The following PRSS23 variants were observed in gnomAD, a reference collection of about 807,000 sequenced individuals.
PRSS23 encodes protease, serine 23.
A neutral mutation model predicts 34.7 loss-of-function variants in PRSS23; 25 were observed. The observed-to-expected ratio is 0.72, with a 90% CI of 0.53 to 1.01. PRSS23 has a LOEUF of 1.01. PRSS23 is among the 50% of genes least tolerant of loss of function. The pLI is 0.00. For synonymous variants in PRSS23, 176 were observed against 186.6 expected, an observed-to-expected ratio of 0.94 and a Z score of 0.46; for missense variants, 445 against 475.6, an observed-to-expected ratio of 0.94 and a Z score of 0.60.
intron 2 of PRSS23, among the ~76,000 whole-genome samples, chr11:86,834,935 C>T (rs947470962): frequency 2.0e-5 from 3 of 152,190 alleles, no homozygotes; most frequent in South Asian, 2.1e-4. Flanking sequence ...TTTCGAAGTC[C>T]TTTTCCTACA....
intron 2 of PRSS23, among the ~76,000 whole-genome samples, chr11:86,829,709 C>G (rs1392589022): frequency 4.4e-4 from 65 of 148,656 alleles, no homozygotes; most frequent in African/African-American, 1.4e-3. Context: ...TTCTAAGAGA[C>G]AGGACCCTCA....
intron 2 of PRSS23, among the ~76,000 whole-genome samples, chr11:86,923,315 T>C (rs1222531868): frequency 1.3e-5 from 2 of 152,072 alleles, no homozygotes. Flanking sequence ...TTTGTAGAGA[T>C]GGGGTCTTGC....
At chr11:86,922,302 T>C (rs1030886451) in intron 2 of PRSS23, among the ~76,000 whole-genome samples, 3 of 152,164 alleles carry the variant, frequency 2.0e-5, no homozygotes, top group Non-Finnish European at 4.4e-5. Flanking sequence ...GATGGACAAT[T>C]ACTTAACCAC....
At chr11:86,804,680 A>G (rs1948078926) in intron 1 of PRSS23, among the ~76,000 whole-genome samples, 1 of 152,206 alleles carries the variant, frequency 6.6e-6, no homozygotes, top group East Asian at 1.9e-4. Flanking sequence ...GTAATATTCT[A>G]TCATGCAGTA....
chr11:86,894,603 A>C (rs1210422873), intron 2 of PRSS23, among the ~76,000 whole-genome samples: 1 of 152,076 alleles, frequency 6.6e-6, no homozygotes, highest in African/African-American at 2.4e-5. Context: ...CTAGGGTGAC[A>C]CCTTCATGTC....
chr11:86,886,717 T>C (rs754200815), intron 2 of PRSS23, among the ~76,000 whole-genome samples: 3 of 152,154 alleles, frequency 2.0e-5, no homozygotes, highest in Non-Finnish European at 4.4e-5. Context: ...GGTGGGCAGA[T>C]CACTTGAGGT....
rs368703656 is a variant in PRSS23 at position 86,807,835 on chromosome 11, A to C, written c.192A>C (p.Ser64=). 6.2e-7 allele frequency: 1 copy of C among 1,614,148 alleles called. No homozygotes were observed. Among genetic ancestry groups the C allele is most frequent in the South Asian group, 1.1e-5 (1 of 91,082 alleles). ...AAGCCAAATTAGAAGTATCTTCTTC[A>C]TGTGGACCCCAGTGTCATAAGGGAA... The part of the protein sequence containing the change: ...GAEAKLEVSS[S]CGPQCHKGTP... The change falls in exon 2 of 2, where the codon TCA becomes TCC. Residue 64 remains serine, a synonymous_variant. Transcript: ENST00000280258.
At chr11:86,883,771 T>C (rs1260673168) in intron 2 of PRSS23, among the ~76,000 whole-genome samples, 18 of 152,228 alleles carry the variant, frequency 1.2e-4, no homozygotes. Flanking sequence ...TGGTATGTTG[T>C]GTTTTCATTT....
At chr11:86,929,189 C>T (rs906468337) in intron 2 of PRSS23, among the ~76,000 whole-genome samples, 4 of 152,062 alleles carry the variant, frequency 2.6e-5, no homozygotes, top group Middle Eastern at 3.4e-3. Context: ...GGCATGGTGG[C>T]GCAAGTTTGT....
At chr11:86,862,909 A>G (rs1412542397) in intron 2 of PRSS23, among the ~76,000 whole-genome samples, 2 of 151,926 alleles carry the variant, frequency 1.3e-5, no homozygotes, top group South Asian at 4.1e-4. Flanking sequence ...AATGTCACAG[A>G]AGGTGTACAC....
At position 86,810,437 on chromosome 11, in the gene PRSS23, T is replaced by C. The variant is rs906223399; in HGVS notation, c.*1642T>C. On this transcript the variant is annotated 3_prime_UTR_variant, in exon 2 of 2. Transcript: ENST00000280258. ...CAACCACAGTGCTTTCTTCAAATCA[T>C]ATGAGAAATACTATGCATAGCAAGG... 4.2e-5 allele frequency: 7 copies of C among 167,040 alleles called. No homozygotes were observed. The highest frequency in any genetic ancestry group is 1.7e-4 in the African/African-American group (7 of 41,444). 10.3% of individuals were successfully genotyped at this position (167,040 alleles called of 1,614,324 possible). A position where few individuals can be genotyped will look rare whatever the true frequency, so the allele number is the denominator to read the frequency against.
intron 2 of PRSS23, among the ~76,000 whole-genome samples, chr11:86,856,560 A>G (rs1157043640): frequency 1.3e-5 from 2 of 152,232 alleles, no homozygotes; most frequent in Non-Finnish European, 2.9e-5. Context: ...TTTGATGTAC[A>G]GTATGTCCTG....
intron 2 of PRSS23, among the ~76,000 whole-genome samples, chr11:86,839,122 A>G (rs372628793): frequency 2.6e-4 from 39 of 152,260 alleles, no homozygotes; most frequent in African/African-American, 8.2e-4. Flanking sequence ...CAGCAAGGGA[A>G]CAAAACTGGA....
intron 2 of PRSS23, among the ~76,000 whole-genome samples, chr11:86,890,591 T>C (rs1026652183): frequency 6.6e-6 from 1 of 152,178 alleles, no homozygotes; most frequent in Non-Finnish European, 1.5e-5. Flanking sequence ...ATTCCTTGTT[T>C]ATGAAGAACA....
intron 2 of PRSS23, among the ~76,000 whole-genome samples, chr11:86,853,604 C>T (rs1948547269): frequency 6.6e-6 from 1 of 152,110 alleles, no homozygotes; most frequent in Non-Finnish European, 1.5e-5. Flanking sequence ...TATGAATGAA[C>T]TGCAGTGTGC....
rs555283665 is a variant in PRSS23 at position 86,854,920 on chromosome 11, ACT to A, written c.206+31328_206+31329del. 4.6e-3 allele frequency among the ~76,000 whole-genome samples: 703 copies of A among 152,318 alleles called. 10 individuals carry two copies. Among genetic ancestry groups the A allele is most frequent in the African/African-American group, 0.016 (682 of 41,578 alleles). On this transcript the variant is annotated intron_variant, in intron 2 of 2. Coordinates refer to the PRSS23 transcript ENST00000533902. ...GGTTGCTCACGCCTGTAATCCCAGC[ACT>A]TTGAGAGGCCGAGGTGGGCGGTCAC... is the stretch of plus-strand genomic sequence containing the variant.
chr11:86,845,467 C>T (rs1444719701), intron 2 of PRSS23, among the ~76,000 whole-genome samples: 1 of 152,126 alleles, frequency 6.6e-6, no homozygotes, highest in Non-Finnish European at 1.5e-5. Context: ...TGGGCACCTA[C>T]AATAGGTTTA....
intron 2 of PRSS23, among the ~76,000 whole-genome samples, chr11:86,939,763 CT>C (rs759084279): frequency 0.046 from 3,194 of 68,736 alleles, 48 homozygotes; most frequent in Non-Finnish European, 0.072. Context: ...TTGTTTCTTT[CT>C]TTTTTTTTTT....
At chr11:86,821,283 C>A in intron 1 of PRSS23, 1 of 540,032 alleles carries the variant, frequency 1.9e-6, no homozygotes, top group Non-Finnish European at 3.1e-6. Flanking sequence ...GTTTCCTTTT[C>A]ATATTCATCA....
Sources: gnomAD v4.1 joint callset for allele counts (sites outside exome capture counted in the v4.1 genomes callset) on GRCh38, gnomAD v4.1.1 for gene constraint, MANE v1.5 for transcripts, NCBI Gene and HGNC (gene_info 2026-07-23, HGNC 2026-07-21) for gene names.